Variants in KALRN observed in about 807,000 individuals in gnomAD.
The protein encoded by KALRN is kalirin.
Under a neutral mutation model 353.7 loss-of-function variants are expected in KALRN, and 70 were observed. The ratio of observed to expected loss-of-function variants is 0.20; its 90% CI spans 0.16 to 0.24. The LOEUF (loss-of-function observed/expected upper bound fraction) is 0.24. KALRN is among the 10% of genes least tolerant of loss of function. The probability of loss-of-function intolerance (pLI) is 1.00; values close to 1 mark genes in which losing one functional copy is unlikely to be tolerated. For synonymous variants in KALRN, 1,391 were observed against 1,434.8 expected, an observed-to-expected ratio of 0.97 and a Z score of 0.69; for missense variants, 2,791 against 3,756.7, an observed-to-expected ratio of 0.74 and a Z score of 6.72.
At chr3:124,651,020 G>C (rs2083354757) in intron 38 of KALRN, 82 bp downstream of exon 38, 2 of 1,531,572 alleles carry the variant, frequency 1.3e-6, no homozygotes, top group Non-Finnish European at 8.9e-7. Context: ...AAATTCGAGA[G>C]GGGTTCCCCA....
intron 1 of KALRN, among the ~76,000 whole-genome samples, chr3:124,214,120 T>C (rs1382231382): frequency 2.0e-5 from 3 of 152,134 alleles, no homozygotes; most frequent in Non-Finnish European, 4.4e-5. Flanking sequence ...TTTTCAGAGA[T>C]AACTGCTGTG....
At chr3:124,085,640 C>T (rs1451353933) in intron 1 of KALRN, among the ~76,000 whole-genome samples, 3 of 152,140 alleles carry the variant, frequency 2.0e-5, no homozygotes, top group Non-Finnish European at 4.4e-5. Context: ...AAGGAAATTG[C>T]TGCCATGGTC....
intron 1 of KALRN, chr3:124,095,928 C>G (rs1404452503): frequency 6.6e-6 from 1 of 151,928 alleles, no homozygotes; most frequent in Admixed American, 6.6e-5. Context: ...AGATCAATAC[C>G]AGGTGGAAGC....
chr3:124,683,287 C>T (rs1017628012), intron 51 of KALRN, among the ~76,000 whole-genome samples: 3 of 152,188 alleles, frequency 2.0e-5, no homozygotes, highest in African/African-American at 7.2e-5. Flanking sequence ...GTCTCTACCC[C>T]GGTATCTGCA....
intron 34 of KALRN, among the ~76,000 whole-genome samples, chr3:124,610,973 C>A (rs2077886912): frequency 6.6e-6 from 1 of 152,094 alleles, no homozygotes; most frequent in Non-Finnish European, 1.5e-5. Flanking sequence ...CTGCAGTGAA[C>A]CAGGCATGCC....
chr3:124,694,628 C>G (rs1015890188), intron 53 of KALRN, 125 bp downstream of exon 53: 65 of 926,862 alleles, frequency 7.0e-5, no homozygotes, highest in East Asian at 7.6e-5. Flanking sequence ...TGCCCTGGAG[C>G]CTGTTCTTGG....
intron 1 of KALRN, among the ~76,000 whole-genome samples, chr3:124,106,739 G>A (rs566403207): frequency 2.6e-5 from 4 of 152,238 alleles, no homozygotes; most frequent in East Asian, 3.9e-4. Flanking sequence ...TACAATTATC[G>A]GCTGAGCCTG....
chr3:124,322,470 G>A (rs1383770482), intron 6 of KALRN, among the ~76,000 whole-genome samples: 1 of 152,214 alleles, frequency 6.6e-6, no homozygotes, highest in East Asian at 1.9e-4. Flanking sequence ...AGGCATTGAA[G>A]GCTGGCAGGG....
intron 3 of KALRN, among the ~76,000 whole-genome samples, chr3:124,254,938 A>C (rs1366745848): frequency 9.2e-6 from 1 of 109,194 alleles, no homozygotes; most frequent in Middle Eastern, 4.5e-3. Flanking sequence ...CCTCTGTCTG[A>C]AGTATATATA....
chr3:124,534,875 A>G (rs547310556), intron 33 of KALRN, among the ~76,000 whole-genome samples: 8 of 152,308 alleles, frequency 5.3e-5, no homozygotes, highest in African/African-American at 1.2e-4. Flanking sequence ...CTGAGAGACA[A>G]TAAACAAACC....
chr3:124,569,598 G>A (rs903017657), intron 34 of KALRN, among the ~76,000 whole-genome samples: 12 of 152,122 alleles, frequency 7.9e-5, no homozygotes, highest in Admixed American at 6.5e-4. Flanking sequence ...CAAGCAGTGG[G>A]CCTAAATTTG....
chr3:124,470,385 C>T (rs2060768008), intron 25 of KALRN, among the ~76,000 whole-genome samples: 1 of 152,176 alleles, frequency 6.6e-6, no homozygotes, highest in Admixed American at 6.5e-5. Context: ...ATCAGACTTA[C>T]ATAATCTGTC....
At chr3:124,689,150 T>C (rs1030802320) in intron 51 of KALRN, among the ~76,000 whole-genome samples, 1 of 152,224 alleles carries the variant, frequency 6.6e-6, no homozygotes, top group African/African-American at 2.4e-5. Context: ...AGAGAACATG[T>C]GCATTTTATG....
chr3:124,081,991 T>A (rs929290584), intron 1 of KALRN, among the ~76,000 whole-genome samples: 5 of 152,240 alleles, frequency 3.3e-5, no homozygotes, highest in Admixed American at 2.6e-4. Context: ...ATTTCTAACT[T>A]ACTTTTATCT....
At chr3:124,532,547 T>A (rs554504624) in intron 33 of KALRN, among the ~76,000 whole-genome samples, 5 of 152,334 alleles carry the variant, frequency 3.3e-5, no homozygotes, top group Admixed American at 6.5e-5. Context: ...GGCTCATGCC[T>A]GTAATCCCAG....
rs150599589 is a variant in KALRN at position 124,347,612 on chromosome 3, G to A, written c.1770+347G>A. Among the ~76,000 whole-genome samples the A allele has an allele frequency of 1.7e-3, 257 of 152,138 alleles. 1 individual carries two copies. Among genetic ancestry groups the A allele is most frequent in the African/African-American group, 5.9e-3 (244 of 41,502 alleles). On this transcript the variant is annotated intron_variant, in intron 10 of 59. Transcript: ENST00000682506. ...TGTGATCTAAAAATGCCTTGTCCAC[G>A]AGGTGGTGCTGGCAGGAGGGAATGA...
At chr3:124,712,768 A>G (rs879934562) in intron 57 of KALRN, among the ~76,000 whole-genome samples, 167 bp from the exon 58 acceptor site, 27 of 151,482 alleles carry the variant, frequency 1.8e-4, no homozygotes, top group Non-Finnish European at 3.4e-4. Context: ...AAAATGCTAA[A>G]GAAGGAAAAA....
chr3:124,472,178 GTCTT>G (rs1190207143), intron 25 of KALRN, among the ~76,000 whole-genome samples: 4 of 152,120 alleles, frequency 2.6e-5, no homozygotes, highest in Admixed American at 6.5e-5. Context: ...TGCCAGCACT[GTCTT>G]TCTATCAATG....
At chr3:124,499,520 G>A (rs929961926) in intron 33 of KALRN, among the ~76,000 whole-genome samples, 1 of 152,184 alleles carries the variant, frequency 6.6e-6, no homozygotes, top group Non-Finnish European at 1.5e-5. Context: ...CAGACTGTGA[G>A]GGTCTTTGAA....
Sources: allele counts gnomAD v4.1 joint callset (sites outside exome capture counted in the v4.1 genomes callset), GRCh38; gene constraint gnomAD v4.1.1; transcripts MANE v1.5; gene names NCBI Gene and HGNC (gene_info 2026-07-23, HGNC 2026-07-21).